The following TTC29 variants were observed in gnomAD, a reference collection of about 807,000 sequenced individuals.
The protein encoded by TTC29 is tetratricopeptide repeat protein 29.
A neutral mutation model predicts 58.1 loss-of-function variants in TTC29; 49 were observed. The observed-to-expected ratio is 0.84, with a 90% confidence interval of 0.67 to 1.07. TTC29 has a LOEUF of 1.07. TTC29 is among the 50% of genes least tolerant of loss of function. The pLI is 0.00. For missense variants in TTC29, 582 were observed against 555.6 expected (o/e 1.05, Z -0.48); for synonymous variants, 209 against 196.8 (o/e 1.06, Z -0.52).
In TTC29 at chr4:146,855,321, T is replaced by A. The variant is rs1024054192; in HGVS notation, c.885+12177A>T. Among the ~76,000 whole-genome samples, 6 of 152,278 alleles carry A rather than the reference T, an allele frequency of 3.9e-5. No individual in the cohort carries two copies. In the East Asian group the frequency reaches 1.2e-3, roughly 29 times the overall value. ...GGTGGTGCACGCCTGTAATCCCAGC[T>A]ATTCTGGAGGTTGAGGAAGGAGACT... On this transcript the variant is annotated intron_variant, in intron 8 of 12. Transcript: ENST00000325106.
rs1735960291 is a variant in TTC29 at position 146,937,663 on chromosome 4, T to C, written c.107A>G (p.Lys36Arg). 4 of 1,515,048 alleles carry C rather than the reference T, an allele frequency of 2.6e-6. No homozygotes were observed. The Admixed American group carries it at 8.4e-5, about 32-fold the overall frequency. The allele number at this position is 1,515,048 out of a possible 1,614,324, so 93.9% of individuals were successfully genotyped here. Residue 36 changes from lysine (K) to arginine (R), a missense_variant, in exon 4 of 13, where the codon AAA becomes AGA. Coordinates refer to ENST00000325106, the MANE Select transcript of TTC29 (RefSeq NM_031956.4). ...SRKIPRSQLI[K>R]EKDDIDHYLE... Reference sequence around the variant, plus strand: ...ATAATGATCTATGTCATCTTTTTCTTTGATCAATTGAGACCTAAATGAAAT... The same window carrying C: ...ATAATGATCTATGTCATCTTTTTCTCTGATCAATTGAGACCTAAATGAAAT...
intron 8 of TTC29, among the ~76,000 whole-genome samples, chr4:146,854,533 T>C (rs1390657302): frequency 6.6e-6 from 1 of 152,124 alleles, no homozygotes; most frequent in African/African-American, 2.4e-5. Context: ...CCTCAATTGT[T>C]CTTAATAAAT....
intron 4 of TTC29, among the ~76,000 whole-genome samples, chr4:146,936,133 T>A (rs1735796926): frequency 6.6e-6 from 1 of 152,188 alleles, no homozygotes; most frequent in South Asian, 2.1e-4. Context: ...GGCCTGAGAA[T>A]TACCCAGAGT....
At chr4:146,842,315 T>C (rs921898139) in intron 8 of TTC29, among the ~76,000 whole-genome samples, 2 of 152,148 alleles carry the variant, frequency 1.3e-5, no homozygotes, top group African/African-American at 4.8e-5. Context: ...AGGCAAAATC[T>C]GTAACTCTCA....
rs1300778585 is a variant in TTC29, at chr4:146,903,529, CA to C, written c.586+14del. The stretch of plus-strand genomic sequence containing the variant: ...CCAAAACATACCCAAGGCATCCTGG[CA>C]AATGCCCACTCACCATCTTCCTCGT... On this transcript the variant is annotated intron_variant, in intron 6 of 12. Coordinates refer to ENST00000325106, the MANE Select transcript of TTC29 (RefSeq NM_031956.4). The C allele has an allele frequency of 6.3e-7, 1 of 1,587,784 alleles. No individual in the cohort carries two copies. The highest frequency in any genetic ancestry group is 8.6e-7 in the Non-Finnish European group (1 of 1,166,426).
At chr4:146,781,990 T>A (rs1487006948) in intron 11 of TTC29, among the ~76,000 whole-genome samples, 1 of 151,742 alleles carries the variant, frequency 6.6e-6, no homozygotes, top group East Asian at 1.9e-4. Flanking sequence ...ACGGCCAATT[T>A]CTATCAAATA....
intron 11 of TTC29, among the ~76,000 whole-genome samples, chr4:146,766,608 C>A: frequency 6.6e-6 from 1 of 151,892 alleles, no homozygotes; most frequent in East Asian, 1.9e-4. Context: ...TGTGATAAAG[C>A]TATTAGTCTC....
intron 11 of TTC29, among the ~76,000 whole-genome samples, chr4:146,787,258 G>A (rs1749092405): frequency 6.6e-6 from 1 of 152,078 alleles, no homozygotes; most frequent in African/African-American, 2.4e-5. Context: ...GTTTATTTGG[G>A]TTGTTAAGAG....
intron 11 of TTC29, among the ~76,000 whole-genome samples, chr4:146,712,872 G>C (rs1307016644): frequency 4.6e-5 from 7 of 151,980 alleles, no homozygotes; most frequent in Non-Finnish European, 1.0e-4. Context: ...TTTAGAAAAG[G>C]GACTGCCTTT....
chr4:146,737,927 C>T (rs2150030076), intron 11 of TTC29, among the ~76,000 whole-genome samples: 1 of 152,276 alleles, frequency 6.6e-6, no homozygotes, highest in East Asian at 1.9e-4. Context: ...CAGAAACTGT[C>T]CCTATGTTTT....
chr4:146,771,075 G>A (rs929421354), intron 11 of TTC29, among the ~76,000 whole-genome samples: 2 of 152,030 alleles, frequency 1.3e-5, no homozygotes, highest in African/African-American at 4.8e-5. Flanking sequence ...AATAAGAACA[G>A]AAGCCATTGA....
At chr4:146,884,056 T>C (rs1731813377) in intron 6 of TTC29, among the ~76,000 whole-genome samples, 1 of 152,120 alleles carries the variant, frequency 6.6e-6, no homozygotes, top group Non-Finnish European at 1.5e-5. Context: ...ATAATTTTCT[T>C]GTGGCTATCA....
intron 11 of TTC29, among the ~76,000 whole-genome samples, chr4:146,775,365 T>C (rs1448524267): frequency 6.6e-6 from 1 of 152,026 alleles, no homozygotes; most frequent in East Asian, 1.9e-4. Context: ...ATTAAGTGTG[T>C]TTTTGTGGTG....
intron 11 of TTC29, among the ~76,000 whole-genome samples, chr4:146,713,345 T>C (rs1319754490): frequency 2.0e-5 from 3 of 151,988 alleles, no homozygotes; most frequent in African/African-American, 4.8e-5. Flanking sequence ...CATGCATTCA[T>C]GGCTTTCTCA....
Position 146,899,297 on chromosome 4 carries a change from C to T in TTC29, c.586+4247G>A, listed in dbSNP as rs577722855. ...AGTCATGTCTGGCCCCGATAGACCTCTGTGTGCAGCTCTAGAATGAATGGG... is the reference window on the plus strand; with the variant it reads ...AGTCATGTCTGGCCCCGATAGACCTTTGTGTGCAGCTCTAGAATGAATGGG... On this transcript the variant is annotated intron_variant, in intron 6 of 12. Coordinates refer to ENST00000325106, the MANE Select transcript of TTC29 (RefSeq NM_031956.4). 4.6e-5 allele frequency among the ~76,000 whole-genome samples: 7 copies of T among 152,292 alleles called. No individual in the cohort carries two copies. In the East Asian group the frequency reaches 1.4e-3, roughly 29 times the overall value.
chr4:146,820,527 T>C (rs953829083), intron 9 of TTC29, among the ~76,000 whole-genome samples: 1 of 152,140 alleles, frequency 6.6e-6, no homozygotes, highest in African/African-American at 2.4e-5. Context: ...AACTTTAACA[T>C]AGAGTTACCA....
At position 146,801,267 on chromosome 4, in the gene TTC29, A is replaced by G. The variant is rs759665456; in HGVS notation, c.1330+2190T>C. On this transcript the variant is annotated intron_variant, in intron 11 of 12. Transcript: ENST00000325106. ...AGCAGAATTTCACGTCTTTTGAACT[A>G]AAAAATATGTTTATGTAAACAAACC... Among the ~76,000 whole-genome samples, 32 of 152,214 alleles carry G rather than the reference A, an allele frequency of 2.1e-4. 1 individual carries two copies. The highest frequency in any genetic ancestry group is 2.0e-3 in the Admixed American group (31 of 15,282).
intron 11 of TTC29, among the ~76,000 whole-genome samples, chr4:146,780,312 T>TGTGTGC (rs1337536642): frequency 2.1e-5 from 3 of 141,260 alleles, no homozygotes; most frequent in African/African-American, 5.9e-5. Context: ...GGTGTGTGTG[T>TGTGTGC]GTGTGTGTGT....
Position 146,892,738 on chromosome 4 carries a change from C to T in TTC29, c.586+10806G>A, listed in dbSNP as rs534266256. On this transcript the variant is annotated intron_variant, in intron 6 of 12. Coordinates refer to ENST00000325106, the MANE Select transcript of TTC29 (RefSeq NM_031956.4). ...ATATTCAATTAGGAAAAGAGGAAGTCAAATTGTCCCTGTTTGCAGATGACA... is the reference window on the plus strand; with the variant it reads ...ATATTCAATTAGGAAAAGAGGAAGTTAAATTGTCCCTGTTTGCAGATGACA... Among the ~76,000 whole-genome samples, 5 of 152,292 alleles carry T rather than the reference C, an allele frequency of 3.3e-5. No individual in the cohort carries two copies. In the South Asian group the frequency reaches 1.0e-3, roughly 32 times the overall value.
Sources: gnomAD v4.1 joint callset for allele counts (sites outside exome capture counted in the v4.1 genomes callset) on GRCh38, gnomAD v4.1.1 for gene constraint, MANE v1.5 for transcripts, NCBI Gene and HGNC (gene_info 2026-07-23, HGNC 2026-07-21) for gene names.